RNF157: variants seen among roughly 807,000 people sequenced by gnomAD.
RNF157 encodes E3 ubiquitin ligase RNF157.
In RNF157, 55 loss-of-function variants were observed where a neutral mutation model predicts 88.3. That is an observed-to-expected ratio of 0.62 (90% CI 0.50 to 0.78). The LOEUF (loss-of-function observed/expected upper bound fraction) is 0.78. RNF157 is among the 30% of genes least tolerant of loss of function. RNF157 has a pLI of 0.00. For synonymous variants in RNF157, 334 were observed against 341.2 expected (o/e 0.98, Z 0.23); for missense variants, 788 against 860.8 (o/e 0.92, Z 1.06).
intron 2 of RNF157, among the ~76,000 whole-genome samples, chr17:76,177,812 T>C (rs1176791588): frequency 6.6e-6 from 1 of 152,040 alleles, no homozygotes; most frequent in Non-Finnish European, 1.5e-5. Context: ...TGCAGAGATG[T>C]CCATAAGACC....
In RNF157 at chr17:76,161,556, T is replaced by A; in HGVS notation, c.1044A>T (p.Thr348=). The A allele has an allele frequency of 6.2e-7, 1 of 1,614,010 alleles. No individual in the cohort carries two copies. The highest frequency in any genetic ancestry group is 8.5e-7 in the Non-Finnish European group (1 of 1,179,922). ...TSFNPIISSQ[T]SDSEEHPSSE... ...TTACTGGATGCTCTTCAGAGTCAGA[T>A]GTCTGGGATGAGATGATGGGGTTAA... The change falls in exon 11 of 19, where the codon ACA becomes ACT. Residue 348 remains threonine (T), a synonymous_variant. Transcript: ENST00000269391. This position sits in a 1 kb window ranked among gnomAD's most constrained non-coding sequence, Gnocchi z 4.6.
chr17:76,210,340 TC>T (rs898431063), intron 2 of RNF157, among the ~76,000 whole-genome samples: 6 of 151,780 alleles, frequency 4.0e-5, no homozygotes, highest in African/African-American at 1.2e-4. Context: ...ATGCCTGTAA[TC>T]CCAGCACTTT....
intron 1 of RNF157, among the ~76,000 whole-genome samples, chr17:76,237,950 G>A (rs2070309839): frequency 6.6e-6 from 1 of 152,022 alleles, no homozygotes; most frequent in African/African-American, 2.4e-5. Context: ...CGGGTGTGGT[G>A]GCAAACACCT....
chr17:76,226,308 G>C, intron 1 of RNF157: 1 of 1,607,582 alleles, frequency 6.2e-7, no homozygotes, highest in Non-Finnish European at 8.5e-7. Flanking sequence ...TGGACCCCTG[G>C]GGAAAGGGGA....
chr17:76,206,009 T>G (rs896086599), intron 2 of RNF157, among the ~76,000 whole-genome samples: 1 of 152,142 alleles, frequency 6.6e-6, no homozygotes, highest in Non-Finnish European at 1.5e-5. Flanking sequence ...ACAGGAAGAC[T>G]ACTTGAGCAA....
In RNF157 at chr17:76,159,397, C is replaced by T. The variant is rs766626265; in HGVS notation, c.1242G>A (p.Ser414=). 1.5e-5 allele frequency: 24 copies of T among 1,613,018 alleles called. No individual in the cohort carries two copies. In the African/African-American group the frequency reaches 1.7e-4, roughly 12 times the overall value. The change falls in exon 12 of 19, where the codon TCG becomes TCA. Residue 414 remains serine (S), a synonymous_variant. Coordinates refer to ENST00000269391, the MANE Select transcript of RNF157 (RefSeq NM_052916.3). ...DGHLPPVRTI[S]PLDRLSDSSS... ...TGCTGTCAGACAGGCGGTCAAGAGG[C>T]GAGATCGTCCTGACGGGGGGCAGGT...
intron 2 of RNF157, among the ~76,000 whole-genome samples, chr17:76,191,384 G>A (rs922792081): frequency 5.3e-5 from 8 of 151,852 alleles, no homozygotes; most frequent in Non-Finnish European, 8.8e-5. Context: ...AGGCTGAGGC[G>A]GGAGGATCAT....
In RNF157 at chr17:76,152,413, A is replaced by G; in HGVS notation, c.1863T>C (p.Phe621=). 1.2e-6 allele frequency: 2 copies of G among 1,613,966 alleles called. No individual in the cohort carries two copies. Among genetic ancestry groups the G allele is most frequent in the South Asian group, 1.1e-5 (1 of 91,080 alleles). ...LGMECDNNND[F]DIASVKALDN... ...CCAGTGCTTTCACGCTTGCGATGTC[A>G]AAGTCATTGTTATTGTCACACTCCA... is the stretch of plus-strand genomic sequence containing the variant. Residue 621 remains phenylalanine (F), a synonymous_variant, in exon 18 of 19, where the codon TTT becomes TTC. Coordinates refer to ENST00000269391, the MANE Select transcript of RNF157 (RefSeq NM_052916.3).
intron 1 of RNF157, among the ~76,000 whole-genome samples, chr17:76,216,894 AAAAAAC>A (rs890019598): frequency 1.3e-4 from 20 of 152,022 alleles, no homozygotes; most frequent in Non-Finnish European, 2.5e-4. Context: ...CTGTGTCAAA[AAAAAAC>A]AAAAACAAAA....
rs1418100494 is a variant in RNF157, at chr17:76,161,917, C to T, written c.878G>A (p.Arg293His). ...DVRDTLILPC[R>H]HLCLCNTCAD... Reference sequence around the variant, plus strand: ...ACAGGTGTTACAGAGGCAGAGGTGGCGACAGGGCAGAATCAAGGTGTCCCG... The same window carrying T: ...ACAGGTGTTACAGAGGCAGAGGTGGTGACAGGGCAGAATCAAGGTGTCCCG... Residue 293 changes from arginine (R) to histidine (H), a missense_variant, in exon 10 of 19, where the codon CGC (arginine) becomes CAC (histidine). By Grantham distance (29) the Arg-to-His change is conservative (BLOSUM62 0). Coordinates refer to ENST00000269391, the MANE Select transcript of RNF157 (RefSeq NM_052916.3). This position sits in a 1 kb window ranked among gnomAD's most constrained non-coding sequence, Gnocchi z 4.6. 3.7e-6 allele frequency: 6 copies of T among 1,614,074 alleles called. No individual in the cohort carries two copies. The highest frequency in any genetic ancestry group is 1.1e-5 in the South Asian group (1 of 91,082).
At chr17:76,226,668 G>A in intron 1 of RNF157, 8 of 1,612,346 alleles carry the variant, frequency 5.0e-6, no homozygotes, top group Non-Finnish European at 6.8e-6. Context: ...GAGAACCCAT[G>A]AGGTTTGAAG....
chr17:76,151,984 C>T lies in RNF157; in HGVS notation c.1921+371G>A, dbSNP rs575969954. On this transcript the variant is annotated intron_variant, in intron 18 of 18. Transcript: ENST00000269391. Reference sequence around the variant, plus strand: ...TTTTAAAGGGCGCAGGCAATCCTTCCAAGACCTTCGTAGAGAGGTGGTGTC... The same window carrying T: ...TTTTAAAGGGCGCAGGCAATCCTTCTAAGACCTTCGTAGAGAGGTGGTGTC... Among the ~76,000 whole-genome samples, 9 of 152,272 alleles carry T rather than the reference C, an allele frequency of 5.9e-5. No individual in the cohort carries two copies. In the South Asian group the frequency reaches 1.9e-3, roughly 32 times the overall value.
At chr17:76,229,381 G>A (rs984080109) in intron 1 of RNF157, among the ~76,000 whole-genome samples, 3 of 152,124 alleles carry the variant, frequency 2.0e-5, no homozygotes, top group African/African-American at 7.2e-5. Context: ...TTTGAGCTTT[G>A]GTTTATTTGT....
chr17:76,165,822 A>G (rs1297049438), intron 6 of RNF157, among the ~76,000 whole-genome samples: 5 of 151,088 alleles, frequency 3.3e-5, no homozygotes, highest in Non-Finnish European at 7.4e-5. Flanking sequence ...GATTATACGC[A>G]TGAGCCACCA....
At chr17:76,150,622 AAG>A (rs145492433) in intron 18 of RNF157, among the ~76,000 whole-genome samples, 12,912 of 151,934 alleles carry the variant, frequency 0.085, 714 homozygotes, top group African/African-American at 0.14. Flanking sequence ...ACAGCTAAGA[AAG>A]AGACATCATC....
chr17:76,177,877 A>G (rs1019744431), intron 2 of RNF157, among the ~76,000 whole-genome samples: 1 of 152,086 alleles, frequency 6.6e-6, no homozygotes, highest in Non-Finnish European at 1.5e-5. Flanking sequence ...AGAGCTGCAG[A>G]GAAGACAGGA....
Position 76,145,257 on chromosome 17 carries a change from A to T in RNF157, c.2018T>A (p.Val673Glu). 6.2e-7 allele frequency: 1 copy of T among 1,606,608 alleles called. No homozygotes were observed. The highest frequency in any genetic ancestry group is 1.1e-5 in the South Asian group (1 of 89,716). Residue 673 changes from valine to glutamate, a missense_variant, in exon 19 of 19, where the codon GTG becomes GAG. Transcript: ENST00000269391. Reference sequence around the variant, plus strand: ...GGCTCAGACAGCCAAAGGGCCCCACACACAGGGCCTCGTCTCAGAGTCCTC... The same window carrying T: ...GGCTCAGACAGCCAAAGGGCCCCACTCACAGGGCCTCGTCTCAGAGTCCTC... ...SLEDSETRPC[V>E]WGPLAV
intron 2 of RNF157, among the ~76,000 whole-genome samples, chr17:76,208,307 T>G (rs1182954435): frequency 6.6e-6 from 1 of 152,208 alleles, no homozygotes; most frequent in Non-Finnish European, 1.5e-5. Context: ...GGGCAGAGTT[T>G]CTGAGTACAC....
intron 16 of RNF157, among the ~76,000 whole-genome samples, 157 bp downstream of exon 16, chr17:76,155,095 C>T (rs1283260287): frequency 6.6e-6 from 1 of 152,250 alleles, no homozygotes; most frequent in Admixed American, 6.5e-5. Flanking sequence ...CTGCTCTCAT[C>T]TCTACCCACA....
Sources: allele counts gnomAD v4.1 joint callset (sites outside exome capture counted in the v4.1 genomes callset), GRCh38; gene constraint gnomAD v4.1.1; non-coding constraint Gnocchi (gnomAD v3.1); transcripts MANE v1.5; gene names NCBI Gene and HGNC (gene_info 2026-07-23, HGNC 2026-07-21).